KPNB1: variants seen among roughly 807,000 people sequenced by gnomAD.
KPNB1 encodes karyopherin subunit beta 1.
Under a neutral mutation model 113.0 loss-of-function variants are expected in KPNB1, and 7 were observed. The observed-to-expected ratio is 0.06, with a 90% CI of 0.04 to 0.12. KPNB1 has a LOEUF of 0.12. Among genes scored for constraint, KPNB1 ranks in the 10% least tolerant of loss-of-function variants. KPNB1 has a pLI of 1.00. For synonymous variants in KPNB1, 363 were observed against 378.6 expected (o/e 0.96, Z 0.48); for missense variants, 400 against 1,054.8 (o/e 0.38, Z 8.60).
intron 7 of KPNB1, 116 bp from the exon 8 acceptor site, chr17:47,664,043 C>G (rs2030192268): frequency 1.6e-6 from 1 of 629,174 alleles, no homozygotes; most frequent in African/African-American, 1.9e-5. Flanking sequence ...TCAAGCCTAG[C>G]TTCCTTTTTA....
intron 3 of KPNB1, among the ~76,000 whole-genome samples, chr17:47,655,710 G>A (rs771674569): frequency 1.3e-5 from 2 of 152,152 alleles, no homozygotes; most frequent in Non-Finnish European, 2.9e-5. Context: ...TCTACAAAAC[G>A]AGGGTGTGAA....
chr17:47,661,570 C>T (rs1463265689), intron 6 of KPNB1, among the ~76,000 whole-genome samples: 1 of 152,078 alleles, frequency 6.6e-6, no homozygotes, highest in Non-Finnish European at 1.5e-5. Context: ...CCACTGCAAA[C>T]AGACTCCATC....
intron 21 of KPNB1, 103 bp from the exon 22 acceptor site, chr17:47,682,301 T>A: frequency 1.3e-6 from 1 of 750,050 alleles, no homozygotes; most frequent in Non-Finnish European, 2.5e-6. Flanking sequence ...TGTTGACAAA[T>A]TCCATTCAGG....
rs750351771 is a variant in KPNB1, at chr17:47,678,222, G to A, written c.2247+33G>A. ...TAAAGCTATCTTGGCTGTTCTTTAAGTCTAGCTCTAATTGGAGGGACTATT... is the reference window on the plus strand; with the variant it reads ...TAAAGCTATCTTGGCTGTTCTTTAAATCTAGCTCTAATTGGAGGGACTATT... On this transcript the variant is annotated intron_variant, in intron 18 of 21. Transcript: ENST00000290158. 4.9e-5 allele frequency: 78 copies of A among 1,577,012 alleles called. 1 individual carries two copies. Among genetic ancestry groups the A allele is most frequent in the South Asian group, 1.1e-5 (1 of 90,202 alleles).
At chr17:47,662,989 C>G (rs2030154031) in intron 6 of KPNB1, 100 bp from the exon 7 acceptor site, 4 of 756,066 alleles carry the variant, frequency 5.3e-6, no homozygotes, top group Non-Finnish European at 9.7e-6. Context: ...CCATATTTAC[C>G]TCAATTAATC....
At chr17:47,678,682 A>C (rs957048665) in intron 19 of KPNB1, 13 of 367,586 alleles carry the variant, frequency 3.5e-5, no homozygotes, top group African/African-American at 2.5e-4. Flanking sequence ...ATCTCGGCTC[A>C]CTGCAACCTC....
rs1341474971 is a variant in KPNB1, at chr17:47,668,239, C to T, written c.1053C>T (p.Cys351=). The change falls in exon 10 of 22, where the codon TGC becomes TGT. Residue 351 remains cysteine, a synonymous_variant. Transcript: ENST00000290158. ...DWNPCKAAGV[C]LMLLATCCED... ...ACCCCTGCAAAGCAGCAGGGGTGTG[C>T]CTCATGCTTCTGGCCACCTGCTGTG... 6.2e-7 allele frequency: 1 copy of T among 1,614,010 alleles called. No homozygotes were observed. The highest frequency in any genetic ancestry group is 8.5e-7 in the Non-Finnish European group (1 of 1,180,020).
intron 9 of KPNB1, among the ~76,000 whole-genome samples, chr17:47,666,504 TTA>T (rs1340561559): frequency 2.8e-5 from 4 of 144,282 alleles, no homozygotes; most frequent in Admixed American, 2.2e-4. Context: ...TTATATAATG[TTA>T]TATATTATAT....
chr17:47,677,760 A>G (rs1484294259), intron 17 of KPNB1, among the ~76,000 whole-genome samples: 2 of 152,222 alleles, frequency 1.3e-5, no homozygotes, highest in Non-Finnish European at 2.9e-5. Context: ...CCATTTGTAT[A>G]TTATACCTCT....
At chr17:47,652,610 TG>T in intron 2 of KPNB1, 83 bp from the exon 3 acceptor site, 1 of 1,117,306 alleles carries the variant, frequency 9.0e-7, no homozygotes, top group Non-Finnish European at 1.2e-6. Context: ...GCCGCCCCTC[TG>T]GTGGTTCAGT....
chr17:47,681,382 C>T (rs1334504764), intron 21 of KPNB1, among the ~76,000 whole-genome samples: 5 of 151,786 alleles, frequency 3.3e-5, no homozygotes, highest in Non-Finnish European at 7.4e-5. Flanking sequence ...AGTTCTCTGC[C>T]TCAGCCTCCT....
At chr17:47,669,371 C>T (rs2030384518) in intron 10 of KPNB1, among the ~76,000 whole-genome samples, 1 of 152,204 alleles carries the variant, frequency 6.6e-6, no homozygotes, top group Admixed American at 6.5e-5. Context: ...ATCTGCCTGC[C>T]TCAGCCTCCC....
chr17:47,658,109 G>C (rs2029962412), intron 4 of KPNB1, among the ~76,000 whole-genome samples: 1 of 152,136 alleles, frequency 6.6e-6, no homozygotes, highest in Non-Finnish European at 1.5e-5. Context: ...AAGAAGGACT[G>C]CTTCTGTCGT....
intron 4 of KPNB1, among the ~76,000 whole-genome samples, chr17:47,658,190 T>C (rs1395399971): frequency 6.6e-6 from 1 of 152,208 alleles, no homozygotes; most frequent in Non-Finnish European, 1.5e-5. Flanking sequence ...AATCCTCAGA[T>C]GTTCAAGTCT....
chr17:47,661,281 A>G (rs991904101), intron 6 of KPNB1, 103 bp downstream of exon 6: 1 of 865,640 alleles, frequency 1.2e-6, no homozygotes, highest in South Asian at 1.4e-5. Context: ...TTCAGCAATA[A>G]GGTTTGATTA....
chr17:47,656,155 G>T (rs568477431), intron 3 of KPNB1, among the ~76,000 whole-genome samples: 1 of 152,130 alleles, frequency 6.6e-6, no homozygotes, highest in African/African-American at 2.4e-5. Flanking sequence ...TTGCTGGGGG[G>T]AGCTAAGGCA....
intron 17 of KPNB1, 34 bp from the exon 18 acceptor site, chr17:47,678,012 G>C (rs1374836195): frequency 6.3e-7 from 1 of 1,598,452 alleles, no homozygotes; most frequent in Admixed American, 1.8e-5. Context: ...AACAAGTTTT[G>C]ACTTAATTCA....
At chr17:47,670,990 T>C (rs2030427183) in intron 12 of KPNB1, among the ~76,000 whole-genome samples, 158 bp downstream of exon 12, 1 of 152,254 alleles carries the variant, frequency 6.6e-6, no homozygotes, top group Admixed American at 6.5e-5. Context: ...GCGCGGTGGC[T>C]CACGCCTATA....
chr17:47,677,209 C>A, intron 17 of KPNB1, 82 bp downstream of exon 17: 3 of 1,131,482 alleles, frequency 2.7e-6, no homozygotes, highest in Non-Finnish European at 2.6e-6. Flanking sequence ...ATCGACCAGG[C>A]TGGGCGCAGT....
Sources: allele counts gnomAD v4.1 joint callset (sites outside exome capture counted in the v4.1 genomes callset), GRCh38; gene constraint gnomAD v4.1.1; transcripts MANE v1.5; gene names NCBI Gene and HGNC (gene_info 2026-07-23, HGNC 2026-07-21).